Variants in FPR3 observed in about 807,000 individuals in gnomAD.
FPR3 encodes the protein N-formyl peptide receptor 3.
For synonymous variants in FPR3, 135 were observed against 163.6 expected, an observed-to-expected ratio of 0.83 and a Z score of 1.34; for missense variants, 346 against 443.2, an observed-to-expected ratio of 0.78 and a Z score of 1.97.
intron 1 of FPR3, chr19:51,811,716 C>CA (rs879930765): frequency 2.0e-5 from 3 of 152,182 alleles, no homozygotes; most frequent in Non-Finnish European, 4.4e-5. Context: ...AGACAAGAGA[C>CA]AAAAGAGTAT....
chr19:51,797,129 G>C (rs1244101608), intron 1 of FPR3, among the ~76,000 whole-genome samples: 1 of 152,210 alleles, frequency 6.6e-6, no homozygotes, highest in Non-Finnish European at 1.5e-5. Flanking sequence ...AATGGGTCCT[G>C]TGTCATTGGG....
Position 51,824,676 on chromosome 19 carries a change from C to T in FPR3, c.928C>T (p.Gln310Ter). ...ILYVFMGRNFQERLIRSLPTS... is the reference protein window; with the variant it reads ...ILYVFMGRNF ...CTACGTCTTTATGGGTCGTAACTTC[C>T]AAGAAAGACTGATTCGCTCTTTGCC... Residue 310 changes from glutamine to a stop codon, truncating the protein, a stop_gained, in exon 2 of 2, where the codon CAA becomes TAA. Transcript: ENST00000339223. LOFTEE classifies it low-confidence loss of function (END_TRUNC). The surrounding 1 kb of genome is among the most constrained non-coding windows in gnomAD (Gnocchi z 4.7). The T allele has an allele frequency of 6.2e-7, 1 of 1,614,118 alleles. No individual in the cohort carries two copies. Among genetic ancestry groups the T allele is most frequent in the Non-Finnish European group, 8.5e-7 (1 of 1,180,002 alleles).
At chr19:51,811,245 G>A (rs1015393638) in intron 1 of FPR3, among the ~76,000 whole-genome samples, 4 of 145,210 alleles carry the variant, frequency 2.8e-5, no homozygotes, top group Non-Finnish European at 4.6e-5. Context: ...CACATCAAGG[G>A]TGCTGCCTGT....
At position 51,824,850 on chromosome 19, in the gene FPR3, C is replaced by T. The variant is rs1434787303; in HGVS notation, c.*40C>T. ...TTGGGCTCTGTCTCTTTCTACCCTG[C>T]GTTAAGCGGAAAAAAAAAATTCTGA... On this transcript the variant is annotated 3_prime_UTR_variant, in exon 2 of 2. Transcript: ENST00000339223. This position sits in a 1 kb window ranked among gnomAD's most constrained non-coding sequence, Gnocchi z 4.7. 5.4e-6 allele frequency: 8 copies of T among 1,483,134 alleles called. No homozygotes were observed. The highest frequency in any genetic ancestry group is 1.8e-4 in the Middle Eastern group (1 of 5,636). 91.9% of individuals were successfully genotyped at this position (1,483,134 alleles called of 1,614,324 possible). A position where few individuals can be genotyped will look rare whatever the true frequency, so the allele number is the denominator to read the frequency against.
Position 51,824,904 on chromosome 19 carries a change from C to T in FPR3, c.*94C>T, listed in dbSNP as rs1449422294. 4.3e-6 allele frequency: 4 copies of T among 940,976 alleles called. No individual in the cohort carries two copies. The highest frequency in any genetic ancestry group is 5.3e-5 in the East Asian group (2 of 37,976). 58.3% of individuals were successfully genotyped at this position (940,976 alleles called of 1,614,324 possible). On this transcript the variant is annotated 3_prime_UTR_variant, in exon 2 of 2. Transcript: ENST00000339223. This position sits in a 1 kb window ranked among gnomAD's most constrained non-coding sequence, Gnocchi z 4.7. ...TGTTTTTCTTCCTCTTTCATACCAC[C>T]ACCACCACAATCATCAACATAAAGG...
At chr19:51,821,718 A>C (rs2084191215) in intron 1 of FPR3, among the ~76,000 whole-genome samples, 1 of 152,040 alleles carries the variant, frequency 6.6e-6, no homozygotes, top group South Asian at 2.1e-4. Context: ...AGTGGCTCTA[A>C]AGTTGCTCAT....
chr19:51,811,308 G>A (rs1215420025), intron 1 of FPR3: 1 of 152,180 alleles, frequency 6.6e-6, no homozygotes, highest in Non-Finnish European at 1.5e-5. Flanking sequence ...GTTAATGTCT[G>A]AGAACTAACC....
intron 1 of FPR3, among the ~76,000 whole-genome samples, chr19:51,810,724 A>T (rs970152291): frequency 2.6e-5 from 4 of 152,214 alleles, no homozygotes; most frequent in Non-Finnish European, 5.9e-5. Flanking sequence ...AAAAACGCAT[A>T]GCACCAAACA....
chr19:51,808,013 G>A (rs2084071828), intron 1 of FPR3, among the ~76,000 whole-genome samples: 1 of 152,230 alleles, frequency 6.6e-6, no homozygotes, highest in Non-Finnish European at 1.5e-5. Flanking sequence ...GAGAGTAGGG[G>A]GTAGGAAGAA....
rs1233915605 is a variant in FPR3 at position 51,826,096 on chromosome 19, AT to A, written c.*1291del. The A allele has an allele frequency of 6.4e-6, 1 of 156,378 alleles. No individual in the cohort carries two copies. The highest frequency in any genetic ancestry group is 2.4e-5 in the African/African-American group (1 of 41,440). The allele number at this position is 156,378 out of a possible 1,614,324, so 9.7% of individuals were successfully genotyped here. Reference sequence around the variant, plus strand: ...CTGTAAATATTAACGTGATCATATTATTTTTATTCTTTCATTTACATAATTA... The same window carrying A: ...CTGTAAATATTAACGTGATCATATTATTTTATTCTTTCATTTACATAATTA... On this transcript the variant is annotated 3_prime_UTR_variant, in exon 2 of 2. Coordinates refer to ENST00000339223, the MANE Select transcript of FPR3 (RefSeq NM_002030.5).
chr19:51,800,052 T>C (rs2084019638), intron 1 of FPR3, among the ~76,000 whole-genome samples: 1 of 152,214 alleles, frequency 6.6e-6, no homozygotes, highest in Non-Finnish European at 1.5e-5. Context: ...TTGAAGAGGA[T>C]GACAGAATGC....
intron 1 of FPR3, among the ~76,000 whole-genome samples, chr19:51,822,718 G>A (rs1468498882): frequency 6.6e-6 from 1 of 152,158 alleles, no homozygotes; most frequent in Non-Finnish European, 1.5e-5. Context: ...AAATATTCAT[G>A]CTCATTCTGT....
At chr19:51,812,926 G>A (rs770352119) in intron 1 of FPR3, among the ~76,000 whole-genome samples, 3 of 152,106 alleles carry the variant, frequency 2.0e-5, no homozygotes, top group African/African-American at 7.2e-5. Context: ...TTTGAGACCA[G>A]CCTGGCCAAC....
At chr19:51,817,141 G>A (rs867459000) in intron 1 of FPR3, among the ~76,000 whole-genome samples, 1 of 152,120 alleles carries the variant, frequency 6.6e-6, no homozygotes, top group Admixed American at 6.6e-5. Context: ...CATCTCCAAG[G>A]TGTCTTCTGG....
chr19:51,801,210 G>A (rs1245828625), intron 1 of FPR3, among the ~76,000 whole-genome samples: 1 of 151,994 alleles, frequency 6.6e-6, no homozygotes, highest in Non-Finnish European at 1.5e-5. Context: ...ACATAATGCT[G>A]GCCCTAGATT....
rs371444536 is a variant in FPR3, at chr19:51,799,615, A to G, written c.-11+4284A>G. Among the ~76,000 whole-genome samples, 13 of 152,346 alleles carry G rather than the reference A, an allele frequency of 8.5e-5. No homozygotes were observed. In the South Asian group the frequency reaches 2.7e-3, roughly 32 times the overall value. ...TCCATTTTGCTGCTTCGTGCAGCTT[A>G]GTACTGCTGTCCTCAGCAGTTAACT... is the stretch of plus-strand genomic sequence containing the variant. On this transcript the variant is annotated intron_variant, in intron 1 of 1. Coordinates refer to ENST00000339223, the MANE Select transcript of FPR3 (RefSeq NM_002030.5).
chr19:51,821,918 G>A (rs184722839), intron 1 of FPR3, among the ~76,000 whole-genome samples: 296 of 152,266 alleles, frequency 1.9e-3, no homozygotes, highest in Non-Finnish European at 3.0e-3. Flanking sequence ...TAGAGAGGCT[G>A]GATATCCCAA....
chr19:51,797,573 A>G (rs2084007218), intron 1 of FPR3, among the ~76,000 whole-genome samples: 1 of 152,196 alleles, frequency 6.6e-6, no homozygotes. Context: ...TACAAATTAA[A>G]ACTAACATTA....
chr19:51,812,102 T>C (rs1344279313), intron 1 of FPR3, among the ~76,000 whole-genome samples: 1 of 152,200 alleles, frequency 6.6e-6, no homozygotes, highest in Non-Finnish European at 1.5e-5. Context: ...GGTAGGTTGC[T>C]CTAAAACAGA....
Sources: gnomAD v4.1 joint callset for allele counts (sites outside exome capture counted in the v4.1 genomes callset) on GRCh38, gnomAD v4.1.1 for gene constraint, Gnocchi (gnomAD v3.1) non-coding constraint, MANE v1.5 for transcripts, NCBI Gene and HGNC (gene_info 2026-07-23, HGNC 2026-07-21) for gene names.